HIBCH: variants seen among roughly 807,000 people sequenced by gnomAD.
HIBCH encodes 3-hydroxyisobutyryl-CoA hydrolase, mitochondrial.
Under a neutral mutation model 58.2 loss-of-function variants are expected in HIBCH, and 50 were observed. The observed-to-expected ratio is 0.86, with a 90% CI of 0.68 to 1.09. The LOEUF is 1.09. HIBCH is among the 50% of genes least tolerant of loss of function. HIBCH has a pLI of 0.00. For missense variants in HIBCH, 450 were observed against 449.7 expected (o/e 1.00, Z -0.01); for synonymous variants, 151 against 146.9 (o/e 1.03, Z -0.20).
At chr2:190,247,915 A>C (rs768337318) in intron 9 of HIBCH, among the ~76,000 whole-genome samples, 38 of 152,238 alleles carry the variant, frequency 2.5e-4, no homozygotes, top group Non-Finnish European at 4.4e-4. Flanking sequence ...CACACTTAAT[A>C]GACTACAGTA....
chr2:190,301,629 CTG>C (rs1475570457), intron 2 of HIBCH, among the ~76,000 whole-genome samples: 3 of 152,206 alleles, frequency 2.0e-5, no homozygotes, highest in African/African-American at 7.2e-5. Context: ...ACAAACACAA[CTG>C]TCTTAGTCCA....
Position 190,190,864 on chromosome 2 carries a change from A to G in HIBCH, c.*18-867T>C, listed in dbSNP as rs749252585. Among the ~76,000 whole-genome samples, 6 of 152,296 alleles carry G rather than the reference A, an allele frequency of 3.9e-5. No individual in the cohort carries two copies. The South Asian group carries it at 1.2e-3, about 32-fold the overall frequency. On this transcript the variant is annotated intron_variant, in intron 1 of 1. Coordinates refer to the HIBCH transcript ENST00000399855. ...CATGTTTAGATTTGTTACAGCCACC[A>G]CCACAATCGGGATAAAGAATAGTTA...
At chr2:190,213,510 C>T (rs948368745) in intron 11 of HIBCH, 18 of 179,880 alleles carry the variant, frequency 1.0e-4, no homozygotes, top group Non-Finnish European at 2.1e-4. Context: ...ATACTAGGCC[C>T]CTGCTTCAAT....
intron 11 of HIBCH, among the ~76,000 whole-genome samples, chr2:190,232,314 A>G (rs951779806): frequency 6.6e-6 from 1 of 152,240 alleles, no homozygotes; most frequent in African/African-American, 2.4e-5. Context: ...GATAAATCCA[A>G]TGAAATATAT....
At chr2:190,190,999 A>G (rs1046447988) in intron 1 of HIBCH, among the ~76,000 whole-genome samples, 1 of 152,120 alleles carries the variant, frequency 6.6e-6, no homozygotes, top group Non-Finnish European at 1.5e-5. Context: ...CTTTTTCCAG[A>G]ATGTCATATA....
chr2:190,288,358 A>G (rs1401048914), intron 5 of HIBCH, among the ~76,000 whole-genome samples: 3 of 150,574 alleles, frequency 2.0e-5, no homozygotes, highest in Non-Finnish European at 4.5e-5. Flanking sequence ...AGCAGCCAAG[A>G]AAAAAGACAT....
intron 1 of HIBCH, among the ~76,000 whole-genome samples, chr2:190,316,380 A>G (rs291457): frequency 1 from 151,634 of 152,278 alleles, 75,500 homozygotes; most frequent in Middle Eastern, 1. Context: ...AGCCTCAGCC[A>G]CCCAAAGTGC....
intron 6 of HIBCH, among the ~76,000 whole-genome samples, chr2:190,273,792 A>T (rs545590050): frequency 6.6e-6 from 1 of 152,302 alleles, no homozygotes; most frequent in South Asian, 2.1e-4. Context: ...AAAAATCTTA[A>T]TAAAATTATT....
Position 190,205,064 on chromosome 2 carries a change from A to G in HIBCH, c.*53T>C. On this transcript the variant is annotated 3_prime_UTR_variant, in exon 14 of 14. Transcript: ENST00000359678. ...AGGCAGCAGGCTGGATTTGGCCCAC[A>G]TGCTGTAGATTGCCAACCCATGCTA... 1.1e-6 allele frequency: 1 copy of G among 939,480 alleles called. No individual in the cohort carries two copies. The highest frequency in any genetic ancestry group is 1.7e-6 in the Non-Finnish European group (1 of 575,330). 58.2% of individuals were successfully genotyped at this position (939,480 alleles called of 1,614,324 possible).
intron 5 of HIBCH, among the ~76,000 whole-genome samples, chr2:190,287,855 C>T (rs537633463): frequency 1.4e-4 from 21 of 152,224 alleles, no homozygotes; most frequent in South Asian, 6.2e-4. Flanking sequence ...ACTTAACCTT[C>T]GATTTTAAAC....
rs1323319853 is a variant in HIBCH at position 190,206,356 on chromosome 2, C to T, written c.1046-1124G>A. On this transcript the variant is annotated intron_variant, in intron 13 of 13. Coordinates refer to ENST00000359678, the MANE Select transcript of HIBCH (RefSeq NM_014362.4). The surrounding 1 kb of genome is among the most constrained non-coding windows in gnomAD (Gnocchi z 5.1). ...GTGGACAGTGTAAACAAAGAACAAC[C>T]CCGGCACATTTTTTCCACAAGAATC... is the stretch of plus-strand genomic sequence containing the variant. Among the ~76,000 whole-genome samples the T allele has an allele frequency of 1.3e-5, 2 of 152,122 alleles. No homozygotes were observed. Among genetic ancestry groups the T allele is most frequent in the African/African-American group, 4.8e-5 (2 of 41,420 alleles).
chr2:190,315,761 A>C lies in HIBCH; in HGVS notation c.35+3955T>G, dbSNP rs1176866946. On this transcript the variant is annotated intron_variant, in intron 1 of 13. Coordinates refer to ENST00000359678, the MANE Select transcript of HIBCH (RefSeq NM_014362.4). This position sits in a 1 kb window ranked among gnomAD's most constrained non-coding sequence, Gnocchi z 5.4. ...GAAACAGAAGGGAGTGATATTATTA[A>C]GAGTTTTTATAAAGTAAAAACTCAA... Among the ~76,000 whole-genome samples the C allele has an allele frequency of 1.3e-5, 2 of 152,344 alleles. No homozygotes were observed. Among genetic ancestry groups the C allele is most frequent in the East Asian group, 3.9e-4 (2 of 5,190 alleles).
At chr2:190,295,800 A>G (rs971511485) in intron 3 of HIBCH, among the ~76,000 whole-genome samples, 2 of 152,226 alleles carry the variant, frequency 1.3e-5, no homozygotes, top group Non-Finnish European at 1.5e-5. Context: ...TCAAACAGAA[A>G]CATAAGAATG....
At chr2:190,194,699 C>T (rs962286024) in intron 1 of HIBCH, among the ~76,000 whole-genome samples, 1 of 152,204 alleles carries the variant, frequency 6.6e-6, no homozygotes, top group African/African-American at 2.4e-5. Context: ...ATCTCAGCCT[C>T]TTCCATAACC....
intron 6 of HIBCH, among the ~76,000 whole-genome samples, chr2:190,272,394 T>C (rs1241233848): frequency 6.6e-6 from 1 of 152,210 alleles, no homozygotes; most frequent in Non-Finnish European, 1.5e-5. Context: ...CCATATATCC[T>C]TAGGGGAATG....
At chr2:190,309,368 C>T (rs1688499125) in intron 2 of HIBCH, among the ~76,000 whole-genome samples, 1 of 152,098 alleles carries the variant, frequency 6.6e-6, no homozygotes, top group African/African-American at 2.4e-5. Flanking sequence ...ACCTAGAATA[C>T]AGTGATATCA....
intron 2 of HIBCH, among the ~76,000 whole-genome samples, chr2:190,310,070 T>C (rs1688518981): frequency 6.6e-6 from 1 of 152,178 alleles, no homozygotes; most frequent in African/African-American, 2.4e-5. Flanking sequence ...TTGCTGAGTC[T>C]TCCAGCCTTC....
chr2:190,238,324 C>T (rs192883053), intron 11 of HIBCH, among the ~76,000 whole-genome samples: 1 of 152,162 alleles, frequency 6.6e-6, no homozygotes, highest in Non-Finnish European at 1.5e-5. Flanking sequence ...TGCATCCTTG[C>T]CAGTATCTGT....
rs1438040027 is a variant in HIBCH at position 190,207,425 on chromosome 2, C to T, written c.1045+1455G>A. 6.6e-6 allele frequency among the ~76,000 whole-genome samples: 1 copy of T among 152,204 alleles called. No homozygotes were observed. Among genetic ancestry groups the T allele is most frequent in the Non-Finnish European group, 1.5e-5 (1 of 68,042 alleles). ...TAGTTTCTACAAGACACACTGCCAT[C>T]TCCTCTGATCAGCTCCATGTGCTGA... On this transcript the variant is annotated intron_variant, in intron 13 of 13. Transcript: ENST00000359678. This position sits in a 1 kb window ranked among gnomAD's most constrained non-coding sequence, Gnocchi z 4.5.
Sources: gnomAD v4.1 joint callset for allele counts (sites outside exome capture counted in the v4.1 genomes callset) on GRCh38, gnomAD v4.1.1 for gene constraint, Gnocchi (gnomAD v3.1) non-coding constraint, MANE v1.5 for transcripts, NCBI Gene and HGNC (gene_info 2026-07-23, HGNC 2026-07-21) for gene names.